Variants in CDK8 observed in about 807,000 individuals in gnomAD.
CDK8 encodes the protein cyclin-dependent kinase 8.
CDK8 carries 29 observed loss-of-function variants against 71.5 expected under a neutral mutation model. The ratio of observed to expected loss-of-function variants is 0.41; its 90% CI spans 0.30 to 0.55. The LOEUF is 0.55. CDK8 is among the 20% of genes least tolerant of loss of function. The pLI is 0.37. For synonymous variants in CDK8, 161 were observed against 192.1 expected (o/e 0.84, Z 1.34); for missense variants, 288 against 572.6 (o/e 0.50, Z 5.07).
intron 4 of CDK8, among the ~76,000 whole-genome samples, chr13:26,382,015 A>T (rs746675298): frequency 2.0e-4 from 31 of 152,162 alleles, no homozygotes; most frequent in Non-Finnish European, 4.0e-4. Context: ...AGATAGCAGG[A>T]TAGTACAGTG....
chr13:26,368,399 T>C (rs1248897141), intron 4 of CDK8, among the ~76,000 whole-genome samples: 2 of 152,328 alleles, frequency 1.3e-5, no homozygotes, highest in Non-Finnish European at 2.9e-5. Context: ...CCTGGGAGAC[T>C]GATATATTCA....
intron 4 of CDK8, among the ~76,000 whole-genome samples, chr13:26,356,576 A>G (rs1873908651): frequency 2.0e-5 from 3 of 152,164 alleles, no homozygotes; most frequent in Non-Finnish European, 4.4e-5. Flanking sequence ...AAATTCTTCA[A>G]TTTCTGAAGA....
Position 26,293,175 on chromosome 13 carries a change from T to G in CDK8, c.128+38406T>G, listed in dbSNP as rs79082486. Reference sequence around the variant, plus strand: ...TTTCAATTTTGTCTTTCAAACCTTGTATTTAATTTTTATTTCTGCTTTCAT... The same window carrying G: ...TTTCAATTTTGTCTTTCAAACCTTGGATTTAATTTTTATTTCTGCTTTCAT... On this transcript the variant is annotated intron_variant, in intron 1 of 12. Coordinates refer to ENST00000381527, the MANE Select transcript of CDK8 (RefSeq NM_001260.3). Among the ~76,000 whole-genome samples, 1,443 of 152,352 alleles carry G rather than the reference T, an allele frequency of 9.5e-3. 10 individuals are homozygous for G. The highest frequency in any genetic ancestry group is 0.015 in the Non-Finnish European group (1,049 of 68,016).
At chr13:26,394,608 T>C (rs1875898363) in intron 7 of CDK8, among the ~76,000 whole-genome samples, 1 of 152,242 alleles carries the variant, frequency 6.6e-6, no homozygotes, top group African/African-American at 2.4e-5. Flanking sequence ...TTCTTCCTGC[T>C]TCTGAATGTG....
intron 2 of CDK8, among the ~76,000 whole-genome samples, chr13:26,346,029 A>C (rs1302500783): frequency 6.6e-6 from 1 of 152,170 alleles, no homozygotes; most frequent in Non-Finnish European, 1.5e-5. Context: ...TTCCTCTAGG[A>C]TGTTAGCTCT....
At chr13:26,327,943 A>T (rs1875096845) in intron 1 of CDK8, among the ~76,000 whole-genome samples, 1 of 151,518 alleles carries the variant, frequency 6.6e-6, no homozygotes, top group Admixed American at 6.6e-5. Context: ...AAGGCCCAAG[A>T]ACATATATTT....
chr13:26,317,933 G>A (rs1159245597), intron 1 of CDK8, among the ~76,000 whole-genome samples: 1 of 151,562 alleles, frequency 6.6e-6, no homozygotes, highest in Non-Finnish European at 1.5e-5. Context: ...AAAGAGTAGG[G>A]GACAGAGATA....
chr13:26,402,034 A>G (rs1032902075), intron 12 of CDK8, among the ~76,000 whole-genome samples: 7 of 152,246 alleles, frequency 4.6e-5, no homozygotes, highest in Non-Finnish European at 8.8e-5. Flanking sequence ...TTAAGAACAT[A>G]GGCTTTCAGA....
intron 1 of CDK8, among the ~76,000 whole-genome samples, chr13:26,272,096 C>T (rs994774572): frequency 6.6e-6 from 1 of 151,740 alleles, no homozygotes; most frequent in Non-Finnish European, 1.5e-5. Context: ...TTTTTTAAAA[C>T]TTTCTGATTC....
intron 6 of CDK8, among the ~76,000 whole-genome samples, chr13:26,391,644 T>C (rs1036723991): frequency 6.6e-6 from 1 of 152,228 alleles, no homozygotes; most frequent in African/African-American, 2.4e-5. Context: ...GGTATACCCA[T>C]ATAAAAAGAA....
At chr13:26,270,354 A>C (rs1593228778) in intron 1 of CDK8, among the ~76,000 whole-genome samples, 1 of 150,646 alleles carries the variant, frequency 6.6e-6, no homozygotes, top group Non-Finnish European at 1.5e-5. Context: ...ACGCCATTGC[A>C]CTCCAGCCTG....
In CDK8 at chr13:26,254,704, A is replaced by G; in HGVS notation, c.63A>G (p.Glu21=). The G allele has an allele frequency of 6.2e-7, 1 of 1,612,938 alleles. No homozygotes were observed. Among genetic ancestry groups the G allele is most frequent in the Middle Eastern group, 1.7e-4 (1 of 6,060 alleles). ...SERERVEDLF[E]YEGCKVGRGT... ...GGGAGCGGGTCGAGGACCTGTTTGA[A>G]TACGAGGGCTGCAAAGTTGGCCGAG... Residue 21 remains glutamate, a synonymous_variant, in exon 1 of 13, where the codon GAA becomes GAG. Transcript: ENST00000381527. This position sits in a 1 kb window ranked among gnomAD's most constrained non-coding sequence, Gnocchi z 6.7.
At chr13:26,386,544 C>T (rs532904774) in intron 6 of CDK8, among the ~76,000 whole-genome samples, 1 of 152,040 alleles carries the variant, frequency 6.6e-6, no homozygotes, top group East Asian at 1.9e-4. Flanking sequence ...TGCCTTTTCC[C>T]TTTTTTATTC....
intron 1 of CDK8, among the ~76,000 whole-genome samples, chr13:26,265,613 TG>T (rs1023352586): frequency 2.0e-5 from 3 of 152,126 alleles, no homozygotes; most frequent in Non-Finnish European, 4.4e-5. Context: ...GAGGTAATTT[TG>T]GGAGCTTGTG....
In CDK8 at chr13:26,333,222, CTCTACCTCCTGGGTTCAAGCAATTCT is replaced by C. The variant is rs564731841; in HGVS notation, c.129-4336_129-4311del. On this transcript the variant is annotated intron_variant, in intron 1 of 12. Coordinates refer to ENST00000381527, the MANE Select transcript of CDK8 (RefSeq NM_001260.3). ...TGGCGCAATCCTGGCTCACTGCAACCTCTACCTCCTGGGTTCAAGCAATTCTTCTACCTCAGCTTCCTGAGTAGCTG... is the reference window on the plus strand; with the variant it reads ...TGGCGCAATCCTGGCTCACTGCAACCTCTACCTCAGCTTCCTGAGTAGCTG... Among the ~76,000 whole-genome samples the C allele has an allele frequency of 1.3e-4, 20 of 152,180 alleles. No homozygotes were observed. In the East Asian group the frequency reaches 3.9e-3, roughly 29 times the overall value.
rs553508554 is a variant in CDK8, at chr13:26,361,784, C to CTTT, written c.456+7931_456+7933dup. On this transcript the variant is annotated intron_variant, in intron 4 of 12. Coordinates refer to ENST00000381527, the MANE Select transcript of CDK8 (RefSeq NM_001260.3). ...TCTTTTTGTCTTTCTTTTCTTTTCC[C>CTTT]TTTTTTTTTTTTTTTTTTTTTTTTT... Among the ~76,000 whole-genome samples the CTTT allele has an allele frequency of 1.5e-3, 95 of 63,348 alleles. 10 individuals carry two copies. Among genetic ancestry groups the CTTT allele is most frequent in the South Asian group, 5.4e-3 (7 of 1,298 alleles). The allele number at this position is 63,348 out of a possible 152,430, so 41.6% of individuals were successfully genotyped here.
At chr13:26,403,359 A>T (rs990944580) in intron 12 of CDK8, among the ~76,000 whole-genome samples, 4 of 152,114 alleles carry the variant, frequency 2.6e-5, no homozygotes, top group South Asian at 2.1e-4. Context: ...AAAAATTTTT[A>T]AAAATTAGCT....
intron 1 of CDK8, among the ~76,000 whole-genome samples, chr13:26,299,441 C>T (rs545371570): frequency 1.4e-4 from 21 of 152,312 alleles, no homozygotes; most frequent in Non-Finnish European, 2.5e-4. Flanking sequence ...GGCTACAAAC[C>T]TGTACTGTGT....
At chr13:26,374,017 TAA>T (rs1172320468) in intron 4 of CDK8, among the ~76,000 whole-genome samples, 4 of 45,138 alleles carry the variant, frequency 8.9e-5, no homozygotes, top group Admixed American at 5.1e-4. Flanking sequence ...CCTTCTCTAC[TAA>T]AAAAAAAAAA....
Sources: allele counts gnomAD v4.1 joint callset (sites outside exome capture counted in the v4.1 genomes callset), GRCh38; gene constraint gnomAD v4.1.1; non-coding constraint Gnocchi (gnomAD v3.1); transcripts MANE v1.5; gene names NCBI Gene and HGNC (gene_info 2026-07-23, HGNC 2026-07-21).